Variants in COL4A6 observed in about 807,000 individuals in gnomAD.
COL4A6 encodes collagen type IV alpha 6 chain, also known as collagen alpha-6(IV) chain.
COL4A6 carries 59 observed loss-of-function variants against 126.7 expected under a neutral mutation model. That is an observed-to-expected ratio of 0.47 (90% CI 0.38 to 0.58). The LOEUF (loss-of-function observed/expected upper bound fraction) is 0.58, where lower values mean the gene tolerates loss of function less well. Among genes scored for constraint, COL4A6 ranks in the 20% least tolerant of loss-of-function variants. The pLI is 0.00. For synonymous variants in COL4A6, 547 were observed against 496.6 expected (o/e 1.10, Z -1.35); for missense variants, 1,285 against 1,337.3 (o/e 0.96, Z 0.61).
intron 2 of COL4A6, among the ~76,000 whole-genome samples, chrX:108,416,359 G>A (rs979548257): frequency 3.6e-5 from 4 of 112,089 alleles, no homozygotes; most frequent in African/African-American, 1.3e-4. Flanking sequence ...ATTTGTTACA[G>A]CACTCCTTGT....
At chrX:108,166,315 G>A (rs1255982185) in intron 37 of COL4A6, among the ~76,000 whole-genome samples, 1 of 112,190 alleles carries the variant, frequency 8.9e-6, no homozygotes, top group Non-Finnish European at 1.9e-5. Context: ...AATCTTGATG[G>A]GAAAACACAA....
At chrX:108,190,854 A>T in intron 19 of COL4A6, among the ~76,000 whole-genome samples, 1 of 112,515 alleles carries the variant, frequency 8.9e-6, no homozygotes. Context: ...CGCAGTGGAC[A>T]TGGGCTTTAA....
In COL4A6 at chrX:108,164,689, C is replaced by T. The variant is rs1396704368; in HGVS notation, c.3980G>A (p.Gly1327Asp). Reference sequence around the variant, plus strand: ...TGGAGTCCCCATGAAGCCAGGCTCACCTCTCATGCCTGACAAAGCCCAAAG... The same window carrying T: ...TGGAGTCCCCATGAAGCCAGGCTCATCTCTCATGCCTGACAAAGCCCAAAG... ...PGELGLKGMR[G>D]EPGFMGTPGK... The change falls in exon 40 of 45, where the codon GGT becomes GAT. Residue 1327 changes from glycine (G) to aspartate (D), a missense_variant. Transcript: ENST00000334504. The T allele has an allele frequency of 1.7e-6, 2 of 1,209,190 alleles. No homozygotes were observed. The highest frequency in any genetic ancestry group is 2.2e-6 in the Non-Finnish European group (2 of 894,687).
chrX:108,337,490 T>C lies in COL4A6; in HGVS notation c.64-26662A>G, dbSNP rs1351053520. On this transcript the variant is annotated intron_variant, in intron 2 of 44. Transcript: ENST00000334504. ...ACTGTATTTTCAGTTTCTAACAAAT[T>C]AAAATCAGATGAGTTCTTGCTCGTG... is the stretch of plus-strand genomic sequence containing the variant. Among the ~76,000 whole-genome samples, 4 of 112,907 alleles carry C rather than the reference T, an allele frequency of 3.5e-5. No homozygotes were observed. In the East Asian group the frequency reaches 8.4e-4, roughly 24 times the overall value.
chrX:108,376,240 T>G (rs953115997), intron 2 of COL4A6, among the ~76,000 whole-genome samples: 1 of 111,624 alleles, frequency 9.0e-6, no homozygotes, highest in African/African-American at 3.3e-5. Context: ...AAGATGCCTG[T>G]GCTTTAATAG....
intron 3 of COL4A6, among the ~76,000 whole-genome samples, chrX:108,293,599 G>A (rs769905581): frequency 4.7e-5 from 5 of 105,525 alleles, no homozygotes; most frequent in African/African-American, 1.2e-4. Context: ...TTGGGACTTC[G>A]GATTCTACCC....
chrX:108,191,954 A>C (rs1012662092), intron 18 of COL4A6, among the ~76,000 whole-genome samples: 16 of 112,136 alleles, frequency 1.4e-4, no homozygotes, highest in Non-Finnish European at 1.9e-5. Context: ...TATCTGGGGC[A>C]TCACTGCCTC....
At chrX:108,425,503 G>T (rs1342923710) in intron 2 of COL4A6, among the ~76,000 whole-genome samples, 1 of 110,039 alleles carries the variant, frequency 9.1e-6, no homozygotes, top group Non-Finnish European at 1.9e-5. Flanking sequence ...GGAGGCTAAG[G>T]GGGGATGGAT....
At chrX:108,337,465 A>G (rs1291560370) in intron 2 of COL4A6, among the ~76,000 whole-genome samples, 2 of 113,085 alleles carry the variant, frequency 1.8e-5, no homozygotes, top group Non-Finnish European at 3.8e-5. Flanking sequence ...TGTTTATTCT[A>G]CTGTATTTTC....
intron 42 of COL4A6, 74 bp from the exon 43 acceptor site, chrX:108,160,728 C>T: frequency 4.1e-6 from 4 of 967,662 alleles, no homozygotes; most frequent in Non-Finnish European, 5.7e-6. Context: ...TTGTACCACA[C>T]ATTGTCCAAG....
intron 2 of COL4A6, among the ~76,000 whole-genome samples, chrX:108,332,292 A>T (rs2039321533): frequency 8.9e-6 from 1 of 111,859 alleles, no homozygotes; most frequent in African/African-American, 3.2e-5. Context: ...TATTGTGAAT[A>T]GTGCAGTGAT....
At chrX:108,189,969 A>T (rs1353464084) in intron 20 of COL4A6, among the ~76,000 whole-genome samples, 1 of 112,587 alleles carries the variant, frequency 8.9e-6, no homozygotes, top group Non-Finnish European at 1.9e-5. Flanking sequence ...AGCTGTGGTC[A>T]TTGATCAGTT....
chrX:108,370,244 G>A (rs2040293601), intron 2 of COL4A6, among the ~76,000 whole-genome samples: 3 of 112,010 alleles, frequency 2.7e-5, no homozygotes, highest in African/African-American at 6.5e-5. Flanking sequence ...TGTCATCCAT[G>A]TAGTCTAAAA....
rs144044351 is a variant in COL4A6, at chrX:108,386,780, A to G, written c.63+51162T>C. Among the ~76,000 whole-genome samples, 960 of 111,672 alleles carry G rather than the reference A, an allele frequency of 8.6e-3. 21 individuals carry two copies. Among genetic ancestry groups the G allele is most frequent in the African/African-American group, 0.029 (895 of 30,698 alleles). ...ATTGCTTTTGGTGTTTTAGTCATGA[A>G]GTGTTTGCCCATGCCTATGCTCTGA... On this transcript the variant is annotated intron_variant, in intron 2 of 44. Transcript: ENST00000334504.
intron 3 of COL4A6, among the ~76,000 whole-genome samples, chrX:108,223,385 T>TA (rs768466794): frequency 1.8e-5 from 2 of 111,589 alleles, no homozygotes; most frequent in East Asian, 5.6e-4. Flanking sequence ...ATAATTTTTT[T>TA]AAAAAAAGAA....
intron 3 of COL4A6, among the ~76,000 whole-genome samples, chrX:108,298,579 C>G (rs2038394476): frequency 9.0e-6 from 1 of 111,234 alleles, no homozygotes; most frequent in Non-Finnish European, 1.9e-5. Flanking sequence ...CCCCGAGGAG[C>G]AAGGATCTTT....
chrX:108,164,508 C>T (rs1246476583), intron 40 of COL4A6, 92 bp downstream of exon 40: 2 of 845,147 alleles, frequency 2.4e-6, no homozygotes, highest in African/African-American at 4.0e-5. Context: ...TCCAGACTTT[C>T]TTGGCGTGGT....
intron 8 of COL4A6, 97 bp downstream of exon 8, chrX:108,209,872 T>C: frequency 1.1e-6 from 1 of 931,481 alleles, no homozygotes; most frequent in Non-Finnish European, 1.5e-6. Context: ...TTCCTTGAGG[T>C]CTACAAAGAC....
chrX:108,210,084 G>A, intron 7 of COL4A6, 80 bp from the exon 8 acceptor site: 2 of 1,032,569 alleles, frequency 1.9e-6, no homozygotes, highest in South Asian at 4.2e-5. Flanking sequence ...AACATTTATA[G>A]GGACAAAAAC....
Sources: gnomAD v4.1 joint callset for allele counts (sites outside exome capture counted in the v4.1 genomes callset) on GRCh38, gnomAD v4.1.1 for gene constraint, MANE v1.5 for transcripts, NCBI Gene and HGNC (gene_info 2026-07-23, HGNC 2026-07-21) for gene names.